The following FGGY variants were observed in gnomAD, a reference collection of about 807,000 sequenced individuals.
FGGY encodes the protein FGGY carbohydrate kinase domain containing.
Under a neutral mutation model 71.3 loss-of-function variants are expected in FGGY, and 72 were observed. That is an observed-to-expected ratio of 1.01 (90% CI 0.84 to 1.23). FGGY has a LOEUF of 1.23. FGGY is among the 50% of genes most tolerant of loss of function. The pLI is 0.00. For missense variants in FGGY, 668 were observed against 682.3 expected (o/e 0.98, Z 0.23); for synonymous variants, 251 against 250.3 (o/e 1.00, Z -0.02).
chr1:59,472,177 C>T (rs1409190365), intron 6 of FGGY, among the ~76,000 whole-genome samples: 2 of 152,202 alleles, frequency 1.3e-5, no homozygotes, highest in African/African-American at 2.4e-5. Context: ...TGCGGGCCAG[C>T]GTGAGTTCCG....
chr1:59,445,892 T>C lies in FGGY; in HGVS notation c.555-11069T>C, dbSNP rs2071120111. Reference sequence around the variant, plus strand: ...GCATGTAGTTAACAAGCATGGACTTTTAATTGATCAGGGCAGGTTTTGAAC... The same window carrying C: ...GCATGTAGTTAACAAGCATGGACTTCTAATTGATCAGGGCAGGTTTTGAAC... On this transcript the variant is annotated intron_variant, in intron 5 of 15. Coordinates refer to ENST00000303721, the MANE Select transcript of FGGY (RefSeq NM_018291.5). Among the ~76,000 whole-genome samples, 3 of 152,208 alleles carry C rather than the reference T, an allele frequency of 2.0e-5. No individual in the cohort carries two copies. The South Asian group carries it at 6.2e-4, about 32-fold the overall frequency.
intron 1 of FGGY, among the ~76,000 whole-genome samples, chr1:59,300,308 C>A (rs909793449): frequency 6.6e-5 from 10 of 152,166 alleles, no homozygotes; most frequent in African/African-American, 2.4e-4. Context: ...AGTATGTATT[C>A]AATCTTTCGT....
At chr1:59,302,657 A>T (rs2042946634) in intron 1 of FGGY, among the ~76,000 whole-genome samples, 1 of 152,152 alleles carries the variant, frequency 6.6e-6, no homozygotes, top group African/African-American at 2.4e-5. Flanking sequence ...AGACACTGAG[A>T]TCTACTTGAG....
At chr1:59,320,731 A>G (rs754330760) in intron 1 of FGGY, among the ~76,000 whole-genome samples, 2 of 152,192 alleles carry the variant, frequency 1.3e-5, no homozygotes, top group Non-Finnish European at 2.9e-5. Flanking sequence ...GCTGCAATAT[A>G]TTTGCCTCTT....
chr1:59,741,102 G>C (rs907318254), intron 14 of FGGY, among the ~76,000 whole-genome samples: 6 of 152,176 alleles, frequency 3.9e-5, no homozygotes, highest in Admixed American at 3.9e-4. Context: ...TATTATTTCT[G>C]TTGGACAGTG....
chr1:59,424,798 T>C (rs532515700), intron 5 of FGGY, among the ~76,000 whole-genome samples: 1 of 152,272 alleles, frequency 6.6e-6, no homozygotes, highest in African/African-American at 2.4e-5. Context: ...CAGTGCTGTT[T>C]AGGGTCAAAG....
chr1:59,696,293 T>A (rs1225391209), intron 14 of FGGY, among the ~76,000 whole-genome samples: 1 of 152,198 alleles, frequency 6.6e-6, no homozygotes. Flanking sequence ...ACTAGAAAAG[T>A]ACCTAGCATT....
chr1:59,641,394 TG>T, intron 11 of FGGY: 1 of 1,502,400 alleles, frequency 6.7e-7, no homozygotes, highest in South Asian at 1.1e-5. Flanking sequence ...CCATTCACTG[TG>T]TTTTTATTGA....
At chr1:59,568,966 G>T (rs955112047) in intron 8 of FGGY, among the ~76,000 whole-genome samples, 1 of 151,738 alleles carries the variant, frequency 6.6e-6, no homozygotes, top group Non-Finnish European at 1.5e-5. Context: ...TATAAAATTT[G>T]GATTTACAAA....
chr1:59,551,268 T>C (rs1027524465), intron 7 of FGGY, among the ~76,000 whole-genome samples: 1 of 152,238 alleles, frequency 6.6e-6, no homozygotes, highest in African/African-American at 2.4e-5. Flanking sequence ...TTTCTCATAA[T>C]AGCACACTAG....
At chr1:59,330,363 G>A (rs1365423426) in intron 2 of FGGY, among the ~76,000 whole-genome samples, 4 of 152,052 alleles carry the variant, frequency 2.6e-5, no homozygotes, top group African/African-American at 4.8e-5. Flanking sequence ...GAGGTCAGGA[G>A]TTTGAGACCC....
In FGGY at chr1:59,615,904, C is replaced by T. The variant is rs540383423; in HGVS notation, c.1011+7994C>T. 3.3e-5 allele frequency among the ~76,000 whole-genome samples: 5 copies of T among 152,288 alleles called. No homozygotes were observed. In the East Asian group the frequency reaches 9.6e-4, roughly 29 times the overall value. The stretch of plus-strand genomic sequence containing the variant: ...AAAAGACACATGAAAAAATGCTCAT[C>T]ATCACTGGCCATCAGAGAAATGCAA... On this transcript the variant is annotated intron_variant, in intron 9 of 15. Coordinates refer to ENST00000303721, the MANE Select transcript of FGGY (RefSeq NM_018291.5).
intron 7 of FGGY, among the ~76,000 whole-genome samples, chr1:59,539,096 G>T (rs2095396684): frequency 6.6e-6 from 1 of 152,094 alleles, no homozygotes; most frequent in Non-Finnish European, 1.5e-5. Context: ...TATGCAGAAA[G>T]GTATAAAACA....
At chr1:59,549,347 C>G (rs1370477755) in intron 7 of FGGY, among the ~76,000 whole-genome samples, 1 of 152,156 alleles carries the variant, frequency 6.6e-6, no homozygotes, top group African/African-American at 2.4e-5. Context: ...TGTTCAAAAC[C>G]CTTCTTATCC....
intron 7 of FGGY, among the ~76,000 whole-genome samples, chr1:59,513,625 A>G (rs755856544): frequency 6.6e-6 from 1 of 152,230 alleles, no homozygotes; most frequent in Non-Finnish European, 1.5e-5. Flanking sequence ...AATTTCAAAT[A>G]TATCTGCATG....
At chr1:59,557,489 C>T (rs2095709052) in intron 8 of FGGY, among the ~76,000 whole-genome samples, 1 of 152,084 alleles carries the variant, frequency 6.6e-6, no homozygotes, top group South Asian at 2.1e-4. Flanking sequence ...CTGTTGCTTC[C>T]AGGAATCTGG....
intron 14 of FGGY, chr1:59,755,277 T>C (rs2098280436): frequency 6.6e-6 from 1 of 152,208 alleles, no homozygotes; most frequent in African/African-American, 2.4e-5. Context: ...TCACGTGTAT[T>C]ATCCTTAAGT....
chr1:59,445,042 G>C (rs771342254), intron 5 of FGGY, among the ~76,000 whole-genome samples: 1 of 152,072 alleles, frequency 6.6e-6, no homozygotes, highest in Admixed American at 6.6e-5. Flanking sequence ...GCTCTTCATG[G>C]ATTTTTCTCT....
intron 7 of FGGY, among the ~76,000 whole-genome samples, chr1:59,545,003 C>T (rs1425995777): frequency 2.0e-5 from 3 of 152,184 alleles, no homozygotes; most frequent in Non-Finnish European, 2.9e-5. Flanking sequence ...GCTTTAGGAG[C>T]CCCTGCCTCC....
Sources: gnomAD v4.1 joint callset for allele counts (sites outside exome capture counted in the v4.1 genomes callset) on GRCh38, gnomAD v4.1.1 for gene constraint, MANE v1.5 for transcripts, NCBI Gene and HGNC (gene_info 2026-07-23, HGNC 2026-07-21) for gene names.